MYO3B: variants seen among roughly 807,000 people sequenced by gnomAD.
MYO3B encodes the protein myosin IIIB.
MYO3B carries 156 observed loss-of-function variants against 174.6 expected under a neutral mutation model. The observed-to-expected ratio is 0.89, with a 90% CI of 0.78 to 1.02. The LOEUF is 1.02. Ranked by LOEUF, MYO3B falls within the 50% of genes least tolerant of loss-of-function variation. The pLI, the probability that MYO3B is intolerant of heterozygous loss-of-function variation, is 0.00. For synonymous variants in MYO3B, 563 were observed against 569.1 expected (o/e 0.99, Z 0.15); for missense variants, 1,632 against 1,639.4 (o/e 1.00, Z 0.08).
In MYO3B at chr2:170,399,781, A is replaced by G. The variant is rs143493119; in HGVS notation, c.1792-407A>G. ...AAAGGCTGAAAGTGGCTTAAAGAAC[A>G]AAGAAGATTAGTTATCTCTTAATAA... On this transcript the variant is annotated intron_variant, in intron 16 of 34. Transcript: ENST00000408978. Among the ~76,000 whole-genome samples the G allele has an allele frequency of 2.1e-3, 318 of 152,360 alleles. 2 individuals are homozygous for G. The highest frequency in any genetic ancestry group is 7.1e-3 in the African/African-American group (296 of 41,592).
intron 7 of MYO3B, among the ~76,000 whole-genome samples, chr2:170,287,945 T>G (rs1402746006): frequency 1.3e-5 from 2 of 152,100 alleles, no homozygotes; most frequent in Non-Finnish European, 1.5e-5. Flanking sequence ...CTACATATAG[T>G]TATCCTGTTT....
chr2:170,509,086 G>A (rs1411968625), intron 28 of MYO3B, among the ~76,000 whole-genome samples: 2 of 152,214 alleles, frequency 1.3e-5, no homozygotes, highest in Admixed American at 6.5e-5. Flanking sequence ...GCCGGGCACA[G>A]TGGCTCAAGC....
In MYO3B at chr2:170,401,810, T is replaced by C. The variant is rs958179774; in HGVS notation, c.2129+119T>C. 4 of 1,012,278 alleles carry C rather than the reference T, an allele frequency of 4.0e-6. No individual in the cohort carries two copies. In the African/African-American group the frequency reaches 4.9e-5, roughly 13 times the overall value. 62.7% of individuals were successfully genotyped at this position (1,012,278 alleles called of 1,614,324 possible). A position where few individuals can be genotyped will look rare whatever the true frequency, so the allele number is the denominator to read the frequency against. ...GGATTTTCTTTCTTTTTCTTTTTTT[T>C]TTTTTTTGTGGAGTCAGAGTCTCAC... On this transcript the variant is annotated intron_variant, in intron 18 of 34. Coordinates refer to ENST00000408978, the MANE Select transcript of MYO3B (RefSeq NM_138995.5).
intron 8 of MYO3B, among the ~76,000 whole-genome samples, chr2:170,364,441 G>A (rs2105660546): frequency 6.6e-6 from 1 of 152,218 alleles, no homozygotes; most frequent in African/African-American, 2.4e-5. Flanking sequence ...TATGTGTCTA[G>A]TGCTTCCCCT....
intron 28 of MYO3B, among the ~76,000 whole-genome samples, chr2:170,511,881 C>T (rs113509813): frequency 7.4e-4 from 113 of 152,296 alleles, no homozygotes; most frequent in African/African-American, 2.5e-3. Flanking sequence ...CTACCAGAAG[C>T]AGGCAGGACA....
intron 32 of MYO3B, among the ~76,000 whole-genome samples, chr2:170,649,047 T>TTATATAAAATATATAATGTATATTA (rs1698669121): frequency 4.6e-5 from 2 of 43,604 alleles, no homozygotes; most frequent in East Asian, 6.5e-4. Flanking sequence ...ATAATGTATA[T>TTATATAAAATATATAATGTATATTA]TATATAAAAT....
intron 22 of MYO3B, among the ~76,000 whole-genome samples, chr2:170,439,832 C>G (rs959112639): frequency 6.6e-6 from 1 of 152,144 alleles, no homozygotes; most frequent in Non-Finnish European, 1.5e-5. Context: ...AGGTGCCCAC[C>G]ACCACGCCCG....
intron 32 of MYO3B, among the ~76,000 whole-genome samples, chr2:170,632,551 C>G (rs953959026): frequency 6.6e-5 from 10 of 151,888 alleles, no homozygotes; most frequent in Admixed American, 2.6e-4. Flanking sequence ...AAATTGACAC[C>G]CTAACATCAC....
intron 30 of MYO3B, among the ~76,000 whole-genome samples, chr2:170,523,162 G>A (rs1017309424): frequency 3.9e-5 from 6 of 152,228 alleles, no homozygotes; most frequent in Non-Finnish European, 8.8e-5. Context: ...CTTCTCAACA[G>A]TGAGGACTGA....
In MYO3B at chr2:170,637,171, G is replaced by T. The variant is rs1021035764; in HGVS notation, c.3734-14457G>T. The stretch of plus-strand genomic sequence containing the variant: ...TCAGGTAGGTCACTCAGAGTGTAGG[G>T]TTTTTTTTTTTTTTTTTTTAGATGG... On this transcript the variant is annotated intron_variant, in intron 32 of 34. Coordinates refer to ENST00000408978, the MANE Select transcript of MYO3B (RefSeq NM_138995.5). 1.7e-4 allele frequency among the ~76,000 whole-genome samples: 21 copies of T among 125,280 alleles called. No individual in the cohort carries two copies. The East Asian group carries it at 4.3e-3, about 26-fold the overall frequency. The allele number at this position is 125,280 out of a possible 152,430, so 82.2% of individuals were successfully genotyped here.
intron 19 of MYO3B, among the ~76,000 whole-genome samples, chr2:170,404,022 A>G (rs1345850079): frequency 6.6e-6 from 1 of 152,120 alleles, no homozygotes; most frequent in Non-Finnish European, 1.5e-5. Context: ...TTTGAGAGAG[A>G]TGTTTTACTG....
At chr2:170,519,376 C>T in intron 29 of MYO3B, 62 bp from the exon 30 acceptor site, 2 of 1,336,924 alleles carry the variant, frequency 1.5e-6, no homozygotes, top group Non-Finnish European at 2.1e-6. Context: ...TGTAGATGGG[C>T]ACCAAAAGCT....
chr2:170,515,103 C>A, intron 29 of MYO3B, 81 bp downstream of exon 29: 2 of 1,173,822 alleles, frequency 1.7e-6, no homozygotes, highest in South Asian at 1.4e-5. Context: ...AAGTGATCAC[C>A]TCTTATATAA....
chr2:170,635,688 A>G (rs1697404564), intron 32 of MYO3B, among the ~76,000 whole-genome samples: 2 of 152,184 alleles, frequency 1.3e-5, no homozygotes, highest in Non-Finnish European at 2.9e-5. Flanking sequence ...ATCACATTAT[A>G]GGGCATCTCT....
At chr2:170,381,153 AAAC>A (rs1269661514) in intron 9 of MYO3B, among the ~76,000 whole-genome samples, 1 of 152,032 alleles carries the variant, frequency 6.6e-6, no homozygotes, top group Admixed American at 6.6e-5. Context: ...AAAATTTTAA[AAAC>A]AACAACCCCC....
intron 7 of MYO3B, among the ~76,000 whole-genome samples, chr2:170,240,854 A>C (rs954365783): frequency 6.6e-6 from 1 of 152,202 alleles, no homozygotes; most frequent in Non-Finnish European, 1.5e-5. Flanking sequence ...CGCAAACCAG[A>C]AATCTCTCCC....
At chr2:170,485,418 CACAGAG>C (rs1172703140) in intron 25 of MYO3B, among the ~76,000 whole-genome samples, 66 of 130,744 alleles carry the variant, frequency 5.0e-4, no homozygotes, top group African/African-American at 1.6e-3. Flanking sequence ...CACACACACA[CACAGAG>C]AGAGAGAGAG....
intron 7 of MYO3B, among the ~76,000 whole-genome samples, chr2:170,270,850 G>C (rs927600757): frequency 6.6e-6 from 1 of 152,146 alleles, no homozygotes; most frequent in Admixed American, 6.6e-5. Flanking sequence ...CCTTTTCACT[G>C]TGTGTTTCAT....
chr2:170,407,637 C>T, intron 21 of MYO3B, 78 bp from the exon 22 acceptor site: 1 of 1,538,720 alleles, frequency 6.5e-7, no homozygotes. Flanking sequence ...TGATTAACAA[C>T]TGGTTAGGCA....
Sources: allele counts gnomAD v4.1 joint callset (sites outside exome capture counted in the v4.1 genomes callset), GRCh38; gene constraint gnomAD v4.1.1; transcripts MANE v1.5; gene names NCBI Gene and HGNC (gene_info 2026-07-23, HGNC 2026-07-21).